The following SDK1 variants were observed in gnomAD, a reference collection of about 807,000 sequenced individuals.
The protein encoded by SDK1 is protein sidekick-1.
Under a neutral mutation model 245.5 loss-of-function variants are expected in SDK1, and 157 were observed. The observed-to-expected ratio is 0.64, with a 90% CI of 0.56 to 0.73. SDK1 has a LOEUF of 0.73. Ranked by LOEUF, SDK1 falls within the 30% of genes least tolerant of loss-of-function variation. The probability of loss-of-function intolerance (pLI) is 0.00; values close to 1 mark genes in which losing one functional copy is unlikely to be tolerated. For synonymous variants in SDK1, 1,647 were observed against 1,278.5 expected (o/e 1.29, Z -6.15); for missense variants, 3,583 against 3,002.3 (o/e 1.19, Z -4.52).
At chr7:3,641,166 C>T (rs930671841) in intron 3 of SDK1, among the ~76,000 whole-genome samples, 1 of 152,014 alleles carries the variant, frequency 6.6e-6, no homozygotes, top group African/African-American at 2.4e-5. Context: ...GATAATAGAG[C>T]ACTTCTGTGG....
rs2128245909 is a variant in SDK1, at chr7:4,265,439, T to G, written c.*55T>G. On this transcript the variant is annotated 3_prime_UTR_variant, in exon 45 of 45. Transcript: ENST00000404826. ...ACGGAGGCAACTTTCCGGAGTCTAT[T>G]TTTGTTAAGACAATCAACTCCAATA... 7.1e-7 allele frequency: 1 copy of G among 1,400,356 alleles called. No homozygotes were observed. Among genetic ancestry groups the G allele is most frequent in the Admixed American group, 3.4e-5 (1 of 29,516 alleles). The allele number at this position is 1,400,356 out of a possible 1,614,324, so 86.7% of individuals were successfully genotyped here.
intron 35 of SDK1, among the ~76,000 whole-genome samples, chr7:4,198,640 A>C (rs1783715730): frequency 6.6e-6 from 1 of 151,972 alleles, no homozygotes; most frequent in African/African-American, 2.4e-5. Context: ...ACATCCCTCA[A>C]AGCTTAACAT....
chr7:3,967,992 T>C (rs1782207425), intron 10 of SDK1, among the ~76,000 whole-genome samples: 2 of 152,204 alleles, frequency 1.3e-5, no homozygotes, highest in Non-Finnish European at 1.5e-5. Context: ...AAGAGAAGGA[T>C]TGTGCAAATG....
At chr7:4,115,866 G>A (rs993286343) in intron 25 of SDK1, among the ~76,000 whole-genome samples, 11 of 152,186 alleles carry the variant, frequency 7.2e-5, no homozygotes, top group Admixed American at 7.2e-4. Flanking sequence ...GACACAGTTG[G>A]AACTCAGAGT....
intron 1 of SDK1, among the ~76,000 whole-genome samples, chr7:3,615,046 A>G (rs1005032344): frequency 2.6e-5 from 4 of 151,838 alleles, no homozygotes; most frequent in South Asian, 2.1e-4. Context: ...GTTGTATACT[A>G]TATTAAAATG....
intron 5 of SDK1, among the ~76,000 whole-genome samples, chr7:3,940,832 T>G (rs1386582382): frequency 6.6e-6 from 1 of 151,644 alleles, no homozygotes; most frequent in East Asian, 1.9e-4. Context: ...GTAAATTAAT[T>G]AAAAAAATAA....
At chr7:3,977,238 GA>G (rs1783009228) in intron 13 of SDK1, among the ~76,000 whole-genome samples, 1 of 42,706 alleles carries the variant, frequency 2.3e-5, no homozygotes, top group East Asian at 4.7e-4. Context: ...GAGAATCACT[GA>G]GGGTCCCGGG....
At chr7:3,536,741 C>A (rs1169169024) in intron 1 of SDK1, among the ~76,000 whole-genome samples, 1 of 151,452 alleles carries the variant, frequency 6.6e-6, no homozygotes, top group African/African-American at 2.4e-5. Context: ...TGAAAAGTGT[C>A]TGAAAGTAAA....
chr7:3,837,872 G>T lies in SDK1; in HGVS notation c.847+16289G>T, dbSNP rs571083020. On this transcript the variant is annotated intron_variant, in intron 5 of 44. Coordinates refer to ENST00000404826, the MANE Select transcript of SDK1 (RefSeq NM_152744.4). ...ATGCATAGCATTTTGCATACAAAAGGGATTCCTAGTCAAACTGGCCACATG... is the reference window on the plus strand; with the variant it reads ...ATGCATAGCATTTTGCATACAAAAGTGATTCCTAGTCAAACTGGCCACATG... 6.6e-5 allele frequency among the ~76,000 whole-genome samples: 10 copies of T among 152,268 alleles called. No homozygotes were observed. In the South Asian group the frequency reaches 1.7e-3, roughly 25 times the overall value.
chr7:3,772,087 C>A (rs1780421186), intron 4 of SDK1, among the ~76,000 whole-genome samples: 1 of 152,158 alleles, frequency 6.6e-6, no homozygotes, highest in Non-Finnish European at 1.5e-5. Context: ...CTGTGTCAGA[C>A]TTTCCTTCCT....
chr7:3,541,413 C>G (rs79838545), intron 1 of SDK1, among the ~76,000 whole-genome samples: 2 of 152,320 alleles, frequency 1.3e-5, no homozygotes, highest in African/African-American at 4.8e-5. Context: ...TTCCATGCCT[C>G]TATGCCTTTC....
intron 4 of SDK1, among the ~76,000 whole-genome samples, chr7:3,710,944 C>G (rs936259839): frequency 6.6e-6 from 1 of 152,184 alleles, no homozygotes; most frequent in Admixed American, 6.5e-5. Flanking sequence ...CTCTAAAATA[C>G]AAAGTGTATT....
chr7:4,003,719 A>C (rs1441942795), intron 14 of SDK1, among the ~76,000 whole-genome samples: 1 of 152,180 alleles, frequency 6.6e-6, no homozygotes, highest in Non-Finnish European at 1.5e-5. Flanking sequence ...ATTTAACCTG[A>C]TCTGTGCCTA....
chr7:3,972,256 T>G (rs1435724863), intron 12 of SDK1, among the ~76,000 whole-genome samples: 1 of 152,010 alleles, frequency 6.6e-6, no homozygotes, highest in African/African-American at 2.4e-5. Context: ...TTTTTTTGTA[T>G]TTTTAGTAGA....
chr7:3,565,927 A>G (rs1354487214), intron 1 of SDK1, among the ~76,000 whole-genome samples: 1 of 152,358 alleles, frequency 6.6e-6, no homozygotes, highest in South Asian at 2.1e-4. Context: ...TGAACTGTAC[A>G]TATGATCAAA....
intron 20 of SDK1, among the ~76,000 whole-genome samples, chr7:4,075,810 A>G (rs1780641230): frequency 6.6e-6 from 1 of 151,900 alleles, no homozygotes; most frequent in South Asian, 2.1e-4. Flanking sequence ...GCCCACCACC[A>G]TGCATGGCTA....
chr7:4,048,374 CG>C (rs1789174184), intron 17 of SDK1, among the ~76,000 whole-genome samples: 2 of 152,138 alleles, frequency 1.3e-5, no homozygotes. Context: ...CTGCCCTTTC[CG>C]GAAGGCCTTC....
intron 28 of SDK1, among the ~76,000 whole-genome samples, chr7:4,140,073 C>A (rs906966672): frequency 1.3e-5 from 2 of 152,114 alleles, no homozygotes; most frequent in African/African-American, 4.8e-5. Flanking sequence ...GCCTTGTCCC[C>A]CTGTCACCAC....
At chr7:3,400,625 G>T (rs1355917287) in intron 1 of SDK1, among the ~76,000 whole-genome samples, 45 of 152,274 alleles carry the variant, frequency 3.0e-4, no homozygotes, top group Non-Finnish European at 1.6e-4. Context: ...CTGGATAGTG[G>T]TTACCTCAGA....
Sources: gnomAD v4.1 joint callset for allele counts (sites outside exome capture counted in the v4.1 genomes callset) on GRCh38, gnomAD v4.1.1 for gene constraint, MANE v1.5 for transcripts, NCBI Gene and HGNC (gene_info 2026-07-23, HGNC 2026-07-21) for gene names.